MYO3B: variants seen among roughly 807,000 people sequenced by gnomAD.
The protein encoded by MYO3B is myosin IIIB.
In MYO3B, 156 loss-of-function variants were observed where a neutral mutation model predicts 174.6. The observed-to-expected ratio is 0.89, with a 90% CI of 0.78 to 1.02. MYO3B has a LOEUF of 1.02. MYO3B is among the 50% of genes least tolerant of loss of function. The pLI is 0.00. For missense variants in MYO3B, 1,632 were observed against 1,639.4 expected (o/e 1.00, Z 0.08); for synonymous variants, 563 against 569.1 (o/e 0.99, Z 0.15).
chr2:170,492,184 C>T (rs1021820694), intron 25 of MYO3B, among the ~76,000 whole-genome samples: 5 of 152,174 alleles, frequency 3.3e-5, no homozygotes, highest in Admixed American at 1.3e-4. Context: ...GTCAACTGGT[C>T]GGGCTGGCAT....
At position 170,391,520 on chromosome 2, in the gene MYO3B, G is replaced by A; in HGVS notation, c.1578G>A (p.Ala526=). 7.0e-7 allele frequency: 1 copy of A among 1,424,584 alleles called. No homozygotes were observed. Among genetic ancestry groups the A allele is most frequent in the Non-Finnish European group, 9.5e-7 (1 of 1,054,402 alleles). The allele number at this position is 1,424,584 out of a possible 1,614,324, so 88.2% of individuals were successfully genotyped here. A position where few individuals can be genotyped will look rare whatever the true frequency, so the allele number is the denominator to read the frequency against. The part of the protein sequence containing the change: ...LEKSRVIKQA[A]REKNFHIFYY... The stretch of plus-strand genomic sequence containing the variant: ...TTACTAAAGTCTCTTTTTTTTTCAG[G>A]AGAGAGAAAAATTTTCATATATTTT... The change falls in exon 15 of 35, where the codon GCG becomes GCA. Residue 526 remains alanine (A), a splice_region_variant and synonymous_variant. Coordinates refer to ENST00000408978, the MANE Select transcript of MYO3B (RefSeq NM_138995.5).
intron 28 of MYO3B, among the ~76,000 whole-genome samples, chr2:170,512,137 A>T (rs935762988): frequency 1.3e-5 from 2 of 152,210 alleles, no homozygotes; most frequent in Non-Finnish European, 2.9e-5. Flanking sequence ...AGTACTGGAT[A>T]ATCAAAGTGG....
At chr2:170,347,512 G>T (rs994759023) in intron 8 of MYO3B, among the ~76,000 whole-genome samples, 1 of 152,140 alleles carries the variant, frequency 6.6e-6, no homozygotes, top group Admixed American at 6.5e-5. Context: ...TGAGGCATGA[G>T]AATCGCTTGA....
At chr2:170,238,444 G>C (rs2093095568) in intron 7 of MYO3B, among the ~76,000 whole-genome samples, 2 of 152,130 alleles carry the variant, frequency 1.3e-5, no homozygotes, top group Middle Eastern at 3.4e-3. Context: ...AATCCATTTG[G>C]CTTCAGAATT....
chr2:170,377,198 G>C (rs10194829), intron 9 of MYO3B, among the ~76,000 whole-genome samples: 48,625 of 152,182 alleles, frequency 0.32, 9,048 homozygotes, highest in African/African-American at 0.52. Flanking sequence ...CAATGACACA[G>C]AAATGGTTTT....
At chr2:170,288,818 GC>G (rs1384333930) in intron 7 of MYO3B, among the ~76,000 whole-genome samples, 1 of 151,834 alleles carries the variant, frequency 6.6e-6, no homozygotes, top group East Asian at 1.9e-4. Flanking sequence ...AAAGCTGAAA[GC>G]TTTTTAGTAC....
chr2:170,323,291 C>T (rs138627986), intron 7 of MYO3B, among the ~76,000 whole-genome samples: 11 of 152,298 alleles, frequency 7.2e-5, no homozygotes, highest in African/African-American at 2.4e-4. Flanking sequence ...CATACTCTAT[C>T]GCTGATCATT....
chr2:170,469,932 G>C (rs915737208), intron 25 of MYO3B, among the ~76,000 whole-genome samples: 1 of 151,386 alleles, frequency 6.6e-6, no homozygotes, highest in African/African-American at 2.4e-5. Flanking sequence ...GAGAAACCTC[G>C]TCTCTACTAA....
chr2:170,184,504 G>C (rs921810773), intron 1 of MYO3B, among the ~76,000 whole-genome samples: 8 of 152,112 alleles, frequency 5.3e-5, no homozygotes, highest in African/African-American at 1.9e-4. Flanking sequence ...CCATGTTGTT[G>C]CAAATGACAG....
At chr2:170,286,031 G>A (rs138919078) in intron 7 of MYO3B, among the ~76,000 whole-genome samples, 2 of 152,014 alleles carry the variant, frequency 1.3e-5, no homozygotes, top group East Asian at 3.9e-4. Context: ...TCTATTTCTG[G>A]TCTCTGTTTT....
chr2:170,248,582 G>A (rs143775306), intron 7 of MYO3B, among the ~76,000 whole-genome samples: 1 of 152,250 alleles, frequency 6.6e-6, no homozygotes, highest in African/African-American at 2.4e-5. Context: ...CTGTTTTCTT[G>A]CCTTTTCCAG....
At chr2:170,268,668 A>C (rs1001449873) in intron 7 of MYO3B, among the ~76,000 whole-genome samples, 2 of 152,172 alleles carry the variant, frequency 1.3e-5, no homozygotes, top group Admixed American at 1.3e-4. Flanking sequence ...GTCTAGTTGG[A>C]AAAACACATA....
intron 22 of MYO3B, among the ~76,000 whole-genome samples, chr2:170,436,091 A>G (rs998146291): frequency 7.2e-5 from 11 of 152,346 alleles, no homozygotes; most frequent in African/African-American, 2.6e-4. Flanking sequence ...TCTCCAATTC[A>G]GATTCTCTCT....
chr2:170,246,334 T>C (rs149833394), intron 7 of MYO3B, among the ~76,000 whole-genome samples: 28 of 152,316 alleles, frequency 1.8e-4, no homozygotes, highest in African/African-American at 6.7e-4. Context: ...GAATAGCCAG[T>C]GGTGAAGTTA....
chr2:170,251,898 A>C (rs1228239646), intron 7 of MYO3B, among the ~76,000 whole-genome samples: 3 of 152,166 alleles, frequency 2.0e-5, no homozygotes, highest in African/African-American at 7.2e-5. Context: ...ACTGGGAGTG[A>C]GTTTTCCTAG....
chr2:170,411,019 T>C (rs2094542999), intron 22 of MYO3B, among the ~76,000 whole-genome samples: 1 of 151,752 alleles, frequency 6.6e-6, no homozygotes, highest in Admixed American at 6.6e-5. Flanking sequence ...CCCCCATCTC[T>C]GAAAAAAAAT....
At chr2:170,379,615 G>A (rs1048124969) in intron 9 of MYO3B, among the ~76,000 whole-genome samples, 1 of 152,196 alleles carries the variant, frequency 6.6e-6, no homozygotes, top group Non-Finnish European at 1.5e-5. Context: ...CTAGAGGCAG[G>A]CAGCAGCTCT....
At chr2:170,357,796 T>C (rs2094133523) in intron 8 of MYO3B, among the ~76,000 whole-genome samples, 1 of 151,962 alleles carries the variant, frequency 6.6e-6, no homozygotes, top group African/African-American at 2.4e-5. Context: ...AATGAAAACA[T>C]GTGTCCACAT....
intron 33 of MYO3B, 69 bp from the exon 34 acceptor site, chr2:170,652,039 A>T: frequency 6.6e-7 from 1 of 1,516,026 alleles, no homozygotes. Context: ...TCAACACAAA[A>T]TCACTTTGAA....
Sources: allele counts gnomAD v4.1 joint callset (sites outside exome capture counted in the v4.1 genomes callset), GRCh38; gene constraint gnomAD v4.1.1; transcripts MANE v1.5; gene names NCBI Gene and HGNC (gene_info 2026-07-23, HGNC 2026-07-21).